The following NRG3 variants were observed in gnomAD, a reference collection of about 807,000 sequenced individuals.
NRG3 encodes neuregulin 3, also known as pro-neuregulin-3, membrane-bound isoform.
In NRG3, 31 loss-of-function variants were observed where a neutral mutation model predicts 66.9. The ratio of observed to expected loss-of-function variants is 0.46; its 90% CI spans 0.35 to 0.63. The LOEUF (loss-of-function observed/expected upper bound fraction) is 0.63, where lower values mean the gene tolerates loss of function less well. NRG3 is among the 20% of genes least tolerant of loss of function. The pLI is 0.00. For missense variants in NRG3, 910 were observed against 878.9 expected, an observed-to-expected ratio of 1.04 and a Z score of -0.45; for synonymous variants, 393 against 359.4, an observed-to-expected ratio of 1.09 and a Z score of -1.06.
intron 1 of NRG3, among the ~76,000 whole-genome samples, chr10:81,998,861 G>T (rs2061052982): frequency 6.6e-6 from 1 of 152,188 alleles, no homozygotes; most frequent in Non-Finnish European, 1.5e-5. Context: ...CTGTTGCCCA[G>T]GCTGGAGTGC....
At chr10:82,477,627 C>G (rs1434365883) in intron 2 of NRG3, among the ~76,000 whole-genome samples, 1 of 152,116 alleles carries the variant, frequency 6.6e-6, no homozygotes, top group Non-Finnish European at 1.5e-5. Context: ...ATTTACTGGG[C>G]CTTGTGGAAC....
chr10:82,923,079 A>C (rs1846608786), intron 4 of NRG3, among the ~76,000 whole-genome samples: 1 of 152,180 alleles, frequency 6.6e-6, no homozygotes, highest in Admixed American at 6.5e-5. Context: ...ATCCCCTTCC[A>C]ATCCATTCTC....
intron 1 of NRG3, among the ~76,000 whole-genome samples, chr10:82,140,118 A>G (rs1351365043): frequency 1.3e-5 from 2 of 152,194 alleles, no homozygotes; most frequent in East Asian, 3.9e-4. Context: ...GGTAGAATTA[A>G]TGAGTATTGT....
intron 1 of NRG3, among the ~76,000 whole-genome samples, chr10:82,010,086 T>C (rs115816766): frequency 6.6e-6 from 1 of 152,178 alleles, no homozygotes. Flanking sequence ...AGTGAATAAT[T>C]AAAAATGAGG....
intron 1 of NRG3, among the ~76,000 whole-genome samples, chr10:82,283,328 G>A (rs1203357362): frequency 6.6e-6 from 1 of 152,066 alleles, no homozygotes; most frequent in African/African-American, 2.4e-5. Context: ...AACTATAATT[G>A]AGCAGCTTGA....
chr10:82,530,641 G>A (rs1847156183), intron 2 of NRG3, among the ~76,000 whole-genome samples: 1 of 151,796 alleles, frequency 6.6e-6, no homozygotes, highest in African/African-American at 2.4e-5. Flanking sequence ...CCTTCTTGAA[G>A]GTAGAGTTCC....
chr10:82,030,455 G>T (rs1194252954), intron 1 of NRG3, among the ~76,000 whole-genome samples: 1 of 152,056 alleles, frequency 6.6e-6, no homozygotes, highest in East Asian at 1.9e-4. Context: ...TCAAGTGAGG[G>T]AGTTAGTGCG....
In NRG3 at chr10:81,875,426, CGGCGGCGGCAGCGGCGGGCGG is replaced by C. The variant is rs1219045286; in HGVS notation, c.89_109del (p.Ala30_Gly36del). 3 of 1,098,878 alleles carry C rather than the reference CGGCGGCGGCAGCGGCGGGCGG, an allele frequency of 2.7e-6. No individual in the cohort carries two copies. The highest frequency in any genetic ancestry group is 2.2e-6 in the Non-Finnish European group (2 of 904,676). 68.1% of individuals were successfully genotyped at this position (1,098,878 alleles called of 1,614,324 possible). On this transcript the variant is annotated inframe_deletion, in exon 1 of 9. Transcript: ENST00000372141. The surrounding 1 kb of genome is among the most constrained non-coding windows in gnomAD (Gnocchi z 5.3). ...GCCGAGGAGGGCACCGCGGCGGCTG[CGGCGGCGGCAGCGGCGGGCGG>C]GGGCCCGGACGGCGGCGGCGAAGGG...
chr10:82,718,351 A>G (rs1438639657), intron 2 of NRG3, among the ~76,000 whole-genome samples: 1 of 152,218 alleles, frequency 6.6e-6, no homozygotes, highest in Non-Finnish European at 1.5e-5. Context: ...CCGTATACCA[A>G]GAACACGATG....
At chr10:82,143,710 C>G (rs2070000206) in intron 1 of NRG3, among the ~76,000 whole-genome samples, 9 of 152,064 alleles carry the variant, frequency 5.9e-5, no homozygotes, top group Admixed American at 1.3e-4. Context: ...TTATGTTTAC[C>G]TTATAAGTGT....
At chr10:82,234,901 C>T (rs1023433566) in intron 1 of NRG3, among the ~76,000 whole-genome samples, 3 of 152,224 alleles carry the variant, frequency 2.0e-5, no homozygotes, top group Admixed American at 2.0e-4. Flanking sequence ...TTCAGCCGTG[C>T]TTGCCTTGTT....
At chr10:82,004,226 T>C (rs1212523420) in intron 1 of NRG3, among the ~76,000 whole-genome samples, 1 of 151,856 alleles carries the variant, frequency 6.6e-6, no homozygotes, top group Non-Finnish European at 1.5e-5. Flanking sequence ...TACAAATAGT[T>C]ACATATCTAC....
intron 1 of NRG3, among the ~76,000 whole-genome samples, chr10:81,883,086 T>G (rs1842325977): frequency 6.6e-6 from 1 of 152,136 alleles, no homozygotes; most frequent in Admixed American, 6.5e-5. Flanking sequence ...ACACTAATTG[T>G]CATTGGGTCT....
chr10:82,169,503 T>A (rs997864790), intron 1 of NRG3, among the ~76,000 whole-genome samples: 14 of 151,610 alleles, frequency 9.2e-5, no homozygotes, highest in African/African-American at 3.4e-4. Flanking sequence ...TTAATTTTTT[T>A]AATTTTTTAT....
chr10:82,727,200 G>A lies in NRG3; in HGVS notation c.954-11377G>A, dbSNP rs141826897. ...AATTTTCTGAGGAGAAATTCAAGCT[G>A]GCTGCAGAAATTTGCATAAGTAACA... On this transcript the variant is annotated intron_variant, in intron 2 of 8. Transcript: ENST00000372141. Among the ~76,000 whole-genome samples the A allele has an allele frequency of 4.9e-4, 75 of 152,314 alleles. No individual in the cohort carries two copies. In the East Asian group the frequency reaches 0.014, roughly 28 times the overall value.
intron 1 of NRG3, among the ~76,000 whole-genome samples, chr10:81,946,415 T>A (rs1848843804): frequency 6.6e-6 from 1 of 152,132 alleles, no homozygotes; most frequent in African/African-American, 2.4e-5. Context: ...GAAACTAATA[T>A]AGATGGTGGT....
At chr10:82,383,417 T>C (rs1389001123) in intron 2 of NRG3, among the ~76,000 whole-genome samples, 3 of 120,040 alleles carry the variant, frequency 2.5e-5, no homozygotes, top group Non-Finnish European at 4.8e-5. Flanking sequence ...AATTTATGTT[T>C]TTCCTTTTTT....
chr10:82,287,196 T>C (rs887808390), intron 1 of NRG3, among the ~76,000 whole-genome samples: 2 of 152,038 alleles, frequency 1.3e-5, no homozygotes, highest in African/African-American at 4.8e-5. Flanking sequence ...GGCAGGTCCC[T>C]CATGGCTTGG....
chr10:81,893,021 A>C (rs1316928770), intron 1 of NRG3, among the ~76,000 whole-genome samples: 2 of 152,210 alleles, frequency 1.3e-5, no homozygotes, highest in African/African-American at 4.8e-5. Flanking sequence ...ATTTAATTCA[A>C]ACTCAAAGTG....
Sources: allele counts gnomAD v4.1 joint callset (sites outside exome capture counted in the v4.1 genomes callset), GRCh38; gene constraint gnomAD v4.1.1; non-coding constraint Gnocchi (gnomAD v3.1); transcripts MANE v1.5; gene names NCBI Gene and HGNC (gene_info 2026-07-23, HGNC 2026-07-21).